The following CABIN1 variants were observed in gnomAD, a reference collection of about 807,000 sequenced individuals.
CABIN1 encodes calcineurin binding protein 1, also known as calcineurin-binding protein cabin-1.
CABIN1 carries 133 observed loss-of-function variants against 227.7 expected under a neutral mutation model. The observed-to-expected ratio is 0.58, with a 90% CI of 0.51 to 0.67. The LOEUF (loss-of-function observed/expected upper bound fraction) is 0.67. Ranked by LOEUF, CABIN1 falls within the 30% of genes least tolerant of loss-of-function variation. The probability of loss-of-function intolerance (pLI) is 0.00; values close to 1 mark genes in which losing one functional copy is unlikely to be tolerated. For missense variants in CABIN1, 2,408 were observed against 2,852.5 expected, an observed-to-expected ratio of 0.84 and a Z score of 3.55; for synonymous variants, 1,086 against 1,155.1, an observed-to-expected ratio of 0.94 and a Z score of 1.21.
chr22:24,168,307 G>A, intron 32 of CABIN1, 140 bp from the exon 33 acceptor site: 1 of 758,428 alleles, frequency 1.3e-6, no homozygotes, highest in Non-Finnish European at 2.3e-6. Flanking sequence ...CTATTCAGCA[G>A]AGTCTGGGGT....
chr22:24,113,141 T>C (rs2042897615), intron 26 of CABIN1, among the ~76,000 whole-genome samples: 1 of 152,256 alleles, frequency 6.6e-6, no homozygotes, highest in Non-Finnish European at 1.5e-5. Flanking sequence ...GTTTCTGTTA[T>C]ATTTATATGG....
At chr22:24,147,752 A>G (rs1007270662) in intron 29 of CABIN1, among the ~76,000 whole-genome samples, 2 of 152,034 alleles carry the variant, frequency 1.3e-5, no homozygotes, top group African/African-American at 2.4e-5. Flanking sequence ...CCCTAGCTGC[A>G]TCTTTCTCAG....
At chr22:24,130,635 A>C (rs1249949087) in intron 28 of CABIN1, among the ~76,000 whole-genome samples, 11 of 152,114 alleles carry the variant, frequency 7.2e-5, no homozygotes, top group African/African-American at 2.7e-4. Flanking sequence ...CAAGGGCCCA[A>C]TACAGTCTCT....
intron 26 of CABIN1, 28 bp from the exon 27 acceptor site, chr22:24,113,538 C>T (rs200158440): frequency 5.3e-5 from 86 of 1,608,056 alleles, no homozygotes; most frequent in South Asian, 5.5e-5. Flanking sequence ...TTAATGCTCT[C>T]GCCCTCTCTT....
intron 23 of CABIN1, among the ~76,000 whole-genome samples, chr22:24,088,391 C>T (rs1267956591): frequency 2.0e-5 from 3 of 152,096 alleles, no homozygotes; most frequent in Admixed American, 6.5e-5. Context: ...GGGCGGATCA[C>T]GAGGTCAGGA....
intron 28 of CABIN1, among the ~76,000 whole-genome samples, chr22:24,125,174 A>G (rs975702032): frequency 2.0e-5 from 3 of 152,138 alleles, no homozygotes; most frequent in African/African-American, 7.2e-5. Flanking sequence ...CCCGGTACCT[A>G]TATGGGATGA....
rs573495389 is a variant in CABIN1, at chr22:24,110,797, T to C, written c.4118-2769T>C. ...ACTTTGTCCCTCTGTATCTGATGTA[T>C]CTTTCTCTGACTGCCTTCAACATTT... On this transcript the variant is annotated intron_variant, in intron 26 of 36. Coordinates refer to ENST00000263119, the MANE Select transcript of CABIN1 (RefSeq NM_012295.4). 2.6e-5 allele frequency among the ~76,000 whole-genome samples: 4 copies of C among 152,342 alleles called. 1 individual carries two copies. In the South Asian group the frequency reaches 8.3e-4, roughly 32 times the overall value.
chr22:24,093,698 G>GA (rs2041701568), intron 24 of CABIN1, among the ~76,000 whole-genome samples: 1 of 151,944 alleles, frequency 6.6e-6, no homozygotes, highest in Non-Finnish European at 1.5e-5. Flanking sequence ...GCAACATGAT[G>GA]AGACCCCCCC....
chr22:24,165,599 C>G lies in CABIN1; in HGVS notation c.4980C>G (p.Leu1660=). The G allele has an allele frequency of 3.1e-6, 5 of 1,613,062 alleles. No homozygotes were observed. Among genetic ancestry groups the G allele is most frequent in the Non-Finnish European group, 4.2e-6 (5 of 1,179,958 alleles). Residue 1660 remains leucine, a synonymous_variant, in exon 31 of 37, where the codon CTC becomes CTG. Transcript: ENST00000263119. ...QRAFILTVKV[L]EDTLSELAEG... is the part of the protein sequence containing the mutation. ...CCTTCATCCTCACTGTGAAGGTGCT[C>G]GAAGACACGCTGAGCGAGCTCGCAG...
At chr22:24,171,641 G>C in intron 33 of CABIN1, 72 bp from the exon 34 acceptor site, 2 of 1,581,088 alleles carry the variant, frequency 1.3e-6, no homozygotes, top group Non-Finnish European at 1.7e-6. Flanking sequence ...AGCACTGGTC[G>C]GCTGGCGGGC....
At chr22:24,115,374 GCAGA>G (rs1209024598) in intron 27 of CABIN1, among the ~76,000 whole-genome samples, 2 of 152,188 alleles carry the variant, frequency 1.3e-5, no homozygotes, top group Non-Finnish European at 2.9e-5. Context: ...AGTGGTTTAA[GCAGA>G]CAGTTTGTGG....
rs201344660 is a variant in CABIN1, at chr22:24,178,035, G to T, written c.6520-18G>T. On this transcript the variant is annotated intron_variant, in intron 36 of 36. Transcript: ENST00000263119. ...CCCAGCCATCCTTGACCAGTGCCCC[G>T]CCCGGCCCTCTCCGCAGTCAGCCAT... 3.1e-6 allele frequency: 5 copies of T among 1,612,978 alleles called. No individual in the cohort carries two copies. Among genetic ancestry groups the T allele is most frequent in the East Asian group, 2.2e-5 (1 of 44,878 alleles).
At chr22:24,051,560 T>G (rs1601797898) in intron 8 of CABIN1, among the ~76,000 whole-genome samples, 1 of 152,180 alleles carries the variant, frequency 6.6e-6, no homozygotes, top group East Asian at 1.9e-4. Flanking sequence ...TTTCTGTATT[T>G]AAAATTCTGA....
Position 24,017,828 on chromosome 22 carries a change from A to G in CABIN1, c.-75+6461A>G, listed in dbSNP as rs1473310142. 2.0e-5 allele frequency among the ~76,000 whole-genome samples: 3 copies of G among 150,852 alleles called. No homozygotes were observed. The East Asian group carries it at 5.8e-4, about 29-fold the overall frequency. On this transcript the variant is annotated intron_variant, in intron 1 of 36. Transcript: ENST00000263119. Reference sequence around the variant, plus strand: ...TCTTAGCTTCAGCTTAAAGGAGGCCACCTTTCGACTATTGTAAGTAATGCT... The same window carrying G: ...TCTTAGCTTCAGCTTAAAGGAGGCCGCCTTTCGACTATTGTAAGTAATGCT...
chr22:24,028,875 A>T (rs942302295), intron 1 of CABIN1, among the ~76,000 whole-genome samples: 1 of 152,146 alleles, frequency 6.6e-6, no homozygotes, highest in Non-Finnish European at 1.5e-5. Context: ...TGCCTTTGGG[A>T]AGTTTACAAG....
chr22:24,116,446 C>T (rs2043092532), intron 27 of CABIN1, among the ~76,000 whole-genome samples: 1 of 152,196 alleles, frequency 6.6e-6, no homozygotes, highest in African/African-American at 2.4e-5. Context: ...CCATGCACCA[C>T]ATGCAGGATA....
chr22:24,170,770 A>T (rs1383211672), intron 33 of CABIN1, among the ~76,000 whole-genome samples: 1 of 38,322 alleles, frequency 2.6e-5, no homozygotes, highest in African/African-American at 1.0e-4. Context: ...CCCCGCCCCC[A>T]TGCACTGAGG....
intron 27 of CABIN1, 81 bp downstream of exon 27, chr22:24,113,829 A>G: frequency 6.6e-7 from 1 of 1,515,144 alleles, no homozygotes; most frequent in Non-Finnish European, 9.1e-7. Context: ...TTCGTGGCCC[A>G]GGGACCTTGG....
Position 24,063,003 on chromosome 22 carries a change from G to C in CABIN1, c.1741G>C (p.Gly581Arg). 2 of 1,614,184 alleles carry C rather than the reference G, an allele frequency of 1.2e-6. No individual in the cohort carries two copies. Among genetic ancestry groups the C allele is most frequent in the South Asian group, 2.2e-5 (2 of 91,088 alleles). ...CPAGMVNGRF[G>R]PDFPGTHCLG... ...TGCTGGTATGGTGAATGGCAGATTT[G>C]GACCTGACTTCCCAGGGACCCACTG... The change falls in exon 14 of 37, where the codon GGA (glycine) becomes CGA (arginine). Residue 581 changes from glycine (G) to arginine (R), a missense_variant. By Grantham distance (125) the Gly-to-Arg change is moderately radical. This residue lies in a region of CABIN1 where 1,045 missense variants were observed against 1,168.4 expected (regional missense o/e 0.89). Transcript: ENST00000263119.
Sources: gnomAD v4.1 joint callset for allele counts (sites outside exome capture counted in the v4.1 genomes callset) on GRCh38, gnomAD v4.1.1 for gene constraint, gnomAD v4.1.1 regional missense constraint, MANE v1.5 for transcripts, NCBI Gene and HGNC (gene_info 2026-07-23, HGNC 2026-07-21) for gene names.